GPM6A: variants seen among roughly 807,000 people sequenced by gnomAD.
GPM6A encodes the protein glycoprotein M6A, also known as neuronal membrane glycoprotein M6-a.
Under a neutral mutation model 32.1 loss-of-function variants are expected in GPM6A, and 7 were observed. The observed-to-expected ratio is 0.22, with a 90% CI of 0.12 to 0.41. The LOEUF (loss-of-function observed/expected upper bound fraction) is 0.41. GPM6A is among the 10% of genes least tolerant of loss of function. The pLI, the probability that GPM6A is intolerant of heterozygous loss-of-function variation, is 1.00. For synonymous variants in GPM6A, 130 were observed against 123.4 expected (o/e 1.05, Z -0.35); for missense variants, 235 against 347.2 (o/e 0.68, Z 2.57).
At chr4:175,981,047 T>G (rs1306871676) in intron 1 of GPM6A, among the ~76,000 whole-genome samples, 1 of 152,204 alleles carries the variant, frequency 6.6e-6, no homozygotes, top group Non-Finnish European at 1.5e-5. Flanking sequence ...AAAGAAAGAT[T>G]ACAAATACAG....
chr4:175,839,529 GAGC>G (rs1189308564), intron 1 of GPM6A, among the ~76,000 whole-genome samples: 2 of 152,094 alleles, frequency 1.3e-5, no homozygotes, highest in Admixed American at 6.6e-5. Flanking sequence ...GACAGACTGA[GAGC>G]AGTATTTATA....
chr4:175,742,268 G>C (rs1351276978), intron 1 of GPM6A, among the ~76,000 whole-genome samples: 5 of 151,832 alleles, frequency 3.3e-5, no homozygotes, highest in Non-Finnish European at 5.9e-5. Flanking sequence ...CTTTATGGTG[G>C]GTTGTTCTAG....
chr4:175,888,066 C>T (rs1324768907), intron 1 of GPM6A, among the ~76,000 whole-genome samples: 1 of 151,758 alleles, frequency 6.6e-6, no homozygotes, highest in Non-Finnish European at 1.5e-5. Context: ...TATTTACAAA[C>T]TAAAATTTTA....
At chr4:175,763,598 C>A (rs1732842715) in intron 1 of GPM6A, among the ~76,000 whole-genome samples, 1 of 151,980 alleles carries the variant, frequency 6.6e-6, no homozygotes, top group African/African-American at 2.4e-5. Context: ...GGGAAAAATG[C>A]AATGATAAAG....
intron 1 of GPM6A, among the ~76,000 whole-genome samples, chr4:175,739,491 T>A (rs951258475): frequency 4.6e-5 from 7 of 152,090 alleles, no homozygotes; most frequent in African/African-American, 1.7e-4. Flanking sequence ...TAATTCCCAA[T>A]TTGAGAGCTA....
At chr4:175,838,583 C>A (rs868516531) in intron 1 of GPM6A, among the ~76,000 whole-genome samples, 2 of 150,874 alleles carry the variant, frequency 1.3e-5, no homozygotes. Context: ...AATCTGTTAC[C>A]CCTTCCTGGC....
chr4:175,897,580 C>T (rs1264746607), intron 1 of GPM6A, among the ~76,000 whole-genome samples: 5 of 152,254 alleles, frequency 3.3e-5, no homozygotes, highest in Middle Eastern at 3.4e-3. Flanking sequence ...TCTACTACCC[C>T]TGGATTCCTT....
chr4:175,640,270 A>G, intron 5 of GPM6A, 76 bp from the exon 6 acceptor site: 2 of 1,131,690 alleles, frequency 1.8e-6, no homozygotes, highest in Non-Finnish European at 2.7e-6. Context: ...CTACTGTCTT[A>G]TAAACAAGAC....
chr4:175,801,749 TG>T (rs1734480808), intron 1 of GPM6A, among the ~76,000 whole-genome samples: 1 of 152,138 alleles, frequency 6.6e-6, no homozygotes, highest in Non-Finnish European at 1.5e-5. Context: ...ACAGTGGTGT[TG>T]CTTTTGCATT....
At chr4:175,915,223 A>T (rs1009176697) in intron 1 of GPM6A, among the ~76,000 whole-genome samples, 15 of 152,174 alleles carry the variant, frequency 9.9e-5, no homozygotes, top group African/African-American at 3.4e-4. Context: ...GCAAATAATC[A>T]ACTATGGAGA....
intron 1 of GPM6A, among the ~76,000 whole-genome samples, chr4:175,984,742 T>C (rs1740923406): frequency 6.6e-6 from 1 of 152,202 alleles, no homozygotes; most frequent in Admixed American, 6.5e-5. Flanking sequence ...CTTTATTAGG[T>C]AACTCTTATC....
At chr4:175,972,212 TAGA>T (rs922955830) in intron 1 of GPM6A, among the ~76,000 whole-genome samples, 16 of 152,142 alleles carry the variant, frequency 1.1e-4, no homozygotes, top group African/African-American at 2.4e-4. Flanking sequence ...CTAAAAGCAA[TAGA>T]AGATTTTTTT....
chr4:175,765,037 C>T (rs997180107), intron 1 of GPM6A, among the ~76,000 whole-genome samples: 3 of 151,886 alleles, frequency 2.0e-5, no homozygotes, highest in African/African-American at 7.3e-5. Context: ...CCATGCCCAG[C>T]TAATTTTTGT....
intron 1 of GPM6A, among the ~76,000 whole-genome samples, chr4:175,772,388 G>T (rs1733226365): frequency 6.6e-6 from 1 of 152,198 alleles, no homozygotes; most frequent in Non-Finnish European, 1.5e-5. Flanking sequence ...AGCAATGTGA[G>T]AGAAGAATGT....
chr4:175,724,158 C>A (rs1746283156), intron 1 of GPM6A, among the ~76,000 whole-genome samples: 1 of 152,210 alleles, frequency 6.6e-6, no homozygotes, highest in South Asian at 2.1e-4. Flanking sequence ...TTTGCAACGA[C>A]ATGGATGAAC....
intron 1 of GPM6A, among the ~76,000 whole-genome samples, chr4:175,986,632 A>G (rs1044932941): frequency 1.3e-5 from 2 of 152,056 alleles, no homozygotes; most frequent in African/African-American, 4.8e-5. Context: ...CCTTTCTTAT[A>G]TTTTCCTGTT....
intron 1 of GPM6A, among the ~76,000 whole-genome samples, chr4:175,896,504 C>A (rs1247851438): frequency 1.3e-5 from 2 of 152,098 alleles, no homozygotes; most frequent in Non-Finnish European, 2.9e-5. Flanking sequence ...TCTTCAAAAG[C>A]CTTATTACTT....
intron 1 of GPM6A, among the ~76,000 whole-genome samples, chr4:175,868,599 T>A (rs1480161244): frequency 1.3e-5 from 2 of 152,220 alleles, no homozygotes; most frequent in African/African-American, 2.4e-5. Flanking sequence ...TATGTTGAGA[T>A]CAGTTTCCAA....
intron 1 of GPM6A, among the ~76,000 whole-genome samples, chr4:175,867,209 T>C (rs1736766899): frequency 2.0e-5 from 3 of 152,218 alleles, no homozygotes; most frequent in Non-Finnish European, 4.4e-5. Flanking sequence ...GCTTGTCTTC[T>C]CTTTCTCTTG....
Sources: gnomAD v4.1 joint callset for allele counts (sites outside exome capture counted in the v4.1 genomes callset) on GRCh38, gnomAD v4.1.1 for gene constraint, MANE v1.5 for transcripts, NCBI Gene and HGNC (gene_info 2026-07-23, HGNC 2026-07-21) for gene names.